PRLR: variants seen among roughly 807,000 people sequenced by gnomAD.
PRLR encodes the protein hPRL receptor.
PRLR carries 13 observed loss-of-function variants against 40.2 expected under a neutral mutation model. The observed-to-expected ratio is 0.32, with a 90% CI of 0.21 to 0.51. The LOEUF (loss-of-function observed/expected upper bound fraction) is 0.51, where lower values mean the gene tolerates loss of function less well. Among genes scored for constraint, PRLR ranks in the 20% least tolerant of loss-of-function variants. The pLI is 0.97. For missense variants in PRLR, 656 were observed against 747.3 expected, an observed-to-expected ratio of 0.88 and a Z score of 1.42; for synonymous variants, 269 against 278.7, an observed-to-expected ratio of 0.97 and a Z score of 0.35.
At chr5:35,049,093 A>G (rs1461998450) in exon 9 of PRLR, 1 of 685,260 alleles carries the variant, frequency 1.5e-6, no homozygotes, top group Non-Finnish European at 2.7e-6. Flanking sequence ...GTGGGTTTCC[A>G]GCTCCCAGTC....
chr5:35,086,292 T>C lies in PRLR; in HGVS notation c.119A>G (p.Asn40Ser), dbSNP rs751557266. ...CCACCAGCAGGTGAATGTTTCCTTA[T>C]TGGGAGAACGACATTTAAAGATCTC... is the stretch of plus-strand genomic sequence containing the variant. ...KPEIFKCRSP[N>S]KETFTCWWRP... is the part of the protein sequence containing the mutation. Residue 40 changes from asparagine to serine, a missense_variant, in exon 4 of 10, where the codon AAT becomes AGT. Asn to Ser is a conservative substitution (Grantham distance 46). Around this residue, in one of 3 missense-constraint regions of PRLR, gnomAD observed 180 missense variants for 236.8 expected, o/e 0.76. Coordinates refer to ENST00000618457, the MANE Select transcript of PRLR (RefSeq NM_000949.7). 1.3e-5 allele frequency: 21 copies of C among 1,613,996 alleles called. No individual in the cohort carries two copies. The highest frequency in any genetic ancestry group is 5.5e-5 in the South Asian group (5 of 91,070).
chr5:35,162,896 T>A (rs1774716729), intron 1 of PRLR, among the ~76,000 whole-genome samples: 1 of 152,206 alleles, frequency 6.6e-6, no homozygotes. Flanking sequence ...GTTGATATAT[T>A]CCAATGGACT....
intron 1 of PRLR, among the ~76,000 whole-genome samples, chr5:35,178,899 G>T (rs186470609): frequency 6.6e-6 from 1 of 152,136 alleles, no homozygotes; most frequent in Admixed American, 6.5e-5. Context: ...TTTTGAGATA[G>T]GATTTCTTAA....
At chr5:35,070,477 C>A (rs948959212) in intron 6 of PRLR, among the ~76,000 whole-genome samples, 3 of 152,184 alleles carry the variant, frequency 2.0e-5, no homozygotes, top group South Asian at 4.1e-4. Context: ...ATTTGGGACT[C>A]TACTTCAGAA....
At chr5:35,228,271 G>C (rs1776604876) in intron 1 of PRLR, among the ~76,000 whole-genome samples, 1 of 140,754 alleles carries the variant, frequency 7.1e-6, no homozygotes, top group Non-Finnish European at 1.5e-5. Flanking sequence ...TATTTTCATT[G>C]TGCTGACAGG....
intron 1 of PRLR, among the ~76,000 whole-genome samples, chr5:35,221,347 G>A (rs1012030365): frequency 6.6e-6 from 1 of 152,182 alleles, no homozygotes; most frequent in African/African-American, 2.4e-5. Flanking sequence ...TAATTAGCAA[G>A]CTTCTGGCAA....
chr5:35,154,981 C>T (rs1774445056), intron 1 of PRLR, among the ~76,000 whole-genome samples: 1 of 148,976 alleles, frequency 6.7e-6, no homozygotes, highest in Admixed American at 6.7e-5. Flanking sequence ...ACACTGGAGC[C>T]TGTCAGGGGA....
chr5:35,115,931 C>A (rs567824710), intron 2 of PRLR, among the ~76,000 whole-genome samples: 1 of 152,066 alleles, frequency 6.6e-6, no homozygotes, highest in African/African-American at 2.4e-5. Context: ...GAGGGTCCCC[C>A]CCTCTGAATT....
chr5:35,137,095 CG>C (rs1471525224), intron 1 of PRLR, among the ~76,000 whole-genome samples: 1 of 152,128 alleles, frequency 6.6e-6, no homozygotes, highest in Non-Finnish European at 1.5e-5. Context: ...TATCAGCAAA[CG>C]TTTACTGAGG....
At chr5:35,195,354 G>A (rs1483539329) in intron 1 of PRLR, 1 of 152,312 alleles carries the variant, frequency 6.6e-6, no homozygotes, top group African/African-American at 2.4e-5. Flanking sequence ...ATGAGCCTCG[G>A]TGTTGGCCTT....
chr5:35,183,427 AG>A (rs1458630024), intron 1 of PRLR, among the ~76,000 whole-genome samples: 1 of 152,130 alleles, frequency 6.6e-6, no homozygotes, highest in Non-Finnish European at 1.5e-5. Context: ...CTCTTGTCAA[AG>A]GTATTAAGAC....
chr5:35,186,879 G>T (rs1775450612), intron 1 of PRLR, among the ~76,000 whole-genome samples: 1 of 152,194 alleles, frequency 6.6e-6, no homozygotes, highest in Non-Finnish European at 1.5e-5. Flanking sequence ...AAACCTGCCT[G>T]CCCTCAAGAA....
At chr5:35,077,524 C>A (rs1770191457) in intron 5 of PRLR, among the ~76,000 whole-genome samples, 1 of 143,344 alleles carries the variant, frequency 7.0e-6, no homozygotes, top group Non-Finnish European at 1.5e-5. Context: ...TATGTTTGCA[C>A]CCAATACAGG....
chr5:35,152,189 G>T (rs1033682740), intron 1 of PRLR, among the ~76,000 whole-genome samples: 1 of 152,050 alleles, frequency 6.6e-6, no homozygotes, highest in Non-Finnish European at 1.5e-5. Flanking sequence ...TCTCATTCAC[G>T]TATGTAAGCT....
chr5:35,192,081 C>G (rs1248890316), intron 1 of PRLR, among the ~76,000 whole-genome samples: 4 of 152,228 alleles, frequency 2.6e-5, no homozygotes, highest in Non-Finnish European at 5.9e-5. Flanking sequence ...TCACGCTTGA[C>G]ATGACCATCA....
chr5:35,192,835 C>A, intron 1 of PRLR, among the ~76,000 whole-genome samples: 1 of 152,158 alleles, frequency 6.6e-6, no homozygotes, highest in Middle Eastern at 3.2e-3. Context: ...TATTTGGGGT[C>A]CTCTGTGTGG....
intron 1 of PRLR, among the ~76,000 whole-genome samples, chr5:35,154,230 A>T (rs1774423020): frequency 1.3e-5 from 2 of 152,174 alleles, no homozygotes; most frequent in African/African-American, 4.8e-5. Flanking sequence ...AAGGTATCTG[A>T]CTTCTTGTTT....
intron 5 of PRLR, among the ~76,000 whole-genome samples, chr5:35,075,110 A>G (rs1247865443): frequency 6.6e-6 from 1 of 152,200 alleles, no homozygotes; most frequent in African/African-American, 2.4e-5. Flanking sequence ...TCCAGTCTAC[A>G]GCTCCCAGCG....
At position 35,173,212 on chromosome 5, in the gene PRLR, T is replaced by C. The variant is rs1775051183; in HGVS notation, c.-105-55090A>G. ...GGTATAATTTGCCAAGGTCTTGTTT[T>C]CCATGGACACCCACATACATGTTGG... On this transcript the variant is annotated intron_variant, in intron 1 of 9. Transcript: ENST00000618457. Among the ~76,000 whole-genome samples, 5 of 152,208 alleles carry C rather than the reference T, an allele frequency of 3.3e-5. No homozygotes were observed. In the South Asian group the frequency reaches 1.0e-3, roughly 32 times the overall value.
Sources: allele counts gnomAD v4.1 joint callset (sites outside exome capture counted in the v4.1 genomes callset), GRCh38; gene constraint gnomAD v4.1.1; regional missense constraint gnomAD v4.1.1; transcripts MANE v1.5; gene names NCBI Gene and HGNC (gene_info 2026-07-23, HGNC 2026-07-21).